The following LRRC47 variants were observed in gnomAD, a reference collection of about 807,000 sequenced individuals.
The protein encoded by LRRC47 is leucine-rich repeat-containing protein 47.
A neutral mutation model predicts 40.9 loss-of-function variants in LRRC47; 31 were observed. The observed-to-expected ratio is 0.76, with a 90% confidence interval of 0.57 to 1.02. LRRC47 has a LOEUF of 1.02. Among genes scored for constraint, LRRC47 ranks in the 50% least tolerant of loss-of-function variants. LRRC47 has a pLI of 0.00. For synonymous variants in LRRC47, 427 were observed against 371.9 expected, an observed-to-expected ratio of 1.15 and a Z score of -1.70; for missense variants, 726 against 796.1, an observed-to-expected ratio of 0.91 and a Z score of 1.06.
intron 5 of LRRC47, among the ~76,000 whole-genome samples, chr1:3,782,459 G>A (rs1366987971): frequency 3.9e-5 from 6 of 152,078 alleles, no homozygotes; most frequent in African/African-American, 9.7e-5. Flanking sequence ...CACGCCCGGC[G>A]AATTTTGTAT....
Position 3,786,879 on chromosome 1 carries a change from C to A in LRRC47, c.1047G>T (p.Gly349=). 1 of 1,602,108 alleles carries A rather than the reference C, an allele frequency of 6.2e-7. No homozygotes were observed. The highest frequency in any genetic ancestry group is 1.3e-5 in the African/African-American group (1 of 74,696). ...AGGTGAGGAAGCGCTTGAGTGCATT[C>A]CCTGGCTGCAGGTCCATGCCTCGCA... ...AVVRGMDLQP[G]NALKRFLTSQ... Residue 349 remains glycine (G), a synonymous_variant, in exon 2 of 7, where the codon GGG becomes GGT. Transcript: ENST00000378251.
chr1:3,787,088 T>C lies in LRRC47; in HGVS notation c.838A>G (p.Ser280Gly). 6.2e-7 allele frequency: 1 copy of C among 1,613,802 alleles called. No individual in the cohort carries two copies. The highest frequency in any genetic ancestry group is 1.1e-5 in the South Asian group (1 of 91,078). The stretch of plus-strand genomic sequence containing the variant: ...TTCCTCTCCCTCCTCTTCCTCCGGC[T>C]CTCTTCCTTCTCCGAGCCCTCGGCA... ...GRAEGSEKEE[S>G]RRKRRERKQR... Residue 280 changes from serine (S) to glycine (G), a missense_variant, in exon 2 of 7, where the codon AGC becomes GGC. Physicochemically the swap from Ser to Gly is moderately conservative, Grantham distance 56. Transcript: ENST00000378251.
At chr1:3,793,958 G>A (rs1018487207) in intron 1 of LRRC47, among the ~76,000 whole-genome samples, 2 of 152,150 alleles carry the variant, frequency 1.3e-5, no homozygotes, top group African/African-American at 4.8e-5. Flanking sequence ...GCACCTTGGA[G>A]GCCAAGACAG....
chr1:3,781,585 G>A lies in LRRC47; in HGVS notation c.1430C>T (p.Ser477Phe). Reference sequence around the variant, plus strand: ...ACTTGTTACTTCCAAAAACAAATCAGAAGTCGTTTTCTTAACCTTAAAAGA... The same window carrying A: ...ACTTGTTACTTCCAAAAACAAATCAAAAGTCGTTTTCTTAACCTTAAAAGA... ...SEKTKVKKTT[S>F]DLFLEVTSAT... is the part of the protein sequence containing the mutation. Residue 477 changes from serine to phenylalanine, a missense_variant, in exon 6 of 7, where the codon TCT (serine) becomes TTT (phenylalanine). Ser to Phe is a radical substitution (Grantham distance 155). Transcript: ENST00000378251. The A allele has an allele frequency of 6.2e-7, 1 of 1,613,672 alleles. No individual in the cohort carries two copies. Among genetic ancestry groups the A allele is most frequent in the Non-Finnish European group, 8.5e-7 (1 of 1,179,824 alleles).
intron 1 of LRRC47, among the ~76,000 whole-genome samples, chr1:3,793,069 G>A (rs1643641833): frequency 6.6e-6 from 1 of 151,892 alleles, no homozygotes; most frequent in African/African-American, 2.4e-5. Context: ...TTATGGTGGT[G>A]AAAGAGATCT....
rs1465539957 is a variant in LRRC47, at chr1:3,796,327, C to T, written c.150G>A (p.Pro50=). ...GQLPPRLFTL[P]LLHYLEVSGC... Reference sequence around the variant, plus strand: ...CGCTCACTTCCAAGTAGTGCAGCAGCGGCAGGGTGAAAAGCCGCGGCGGCA... The same window carrying T: ...CGCTCACTTCCAAGTAGTGCAGCAGTGGCAGGGTGAAAAGCCGCGGCGGCA... The change falls in exon 1 of 7, where the codon CCG becomes CCA. Residue 50 remains proline, a synonymous_variant. Coordinates refer to ENST00000378251, the MANE Select transcript of LRRC47 (RefSeq NM_020710.3). 1 of 1,508,362 alleles carries T rather than the reference C, an allele frequency of 6.6e-7. No homozygotes were observed. Among genetic ancestry groups the T allele is most frequent in the East Asian group, 2.7e-5 (1 of 37,464 alleles). The allele number at this position is 1,508,362 out of a possible 1,614,324, so 93.4% of individuals were successfully genotyped here.
intron 5 of LRRC47, 76 bp from the exon 6 acceptor site, chr1:3,781,677 G>A (rs2124608706): frequency 4.1e-6 from 5 of 1,230,752 alleles, no homozygotes; most frequent in African/African-American, 1.5e-5. Context: ...TTGTTCTCAG[G>A]AAAAATCTAC....
intron 1 of LRRC47, among the ~76,000 whole-genome samples, chr1:3,789,300 G>A (rs1056502198): frequency 2.0e-5 from 3 of 152,280 alleles, no homozygotes; most frequent in Non-Finnish European, 2.9e-5. Context: ...GAAGCTCTGA[G>A]GTTGGAAGCT....
intron 3 of LRRC47, among the ~76,000 whole-genome samples, chr1:3,784,595 T>G (rs927256113): frequency 2.0e-5 from 3 of 152,206 alleles, no homozygotes; most frequent in African/African-American, 7.2e-5. Context: ...CAACGACTGC[T>G]CATCCGCCGA....
chr1:3,784,313 G>A (rs924509539), intron 3 of LRRC47: 4 of 568,518 alleles, frequency 7.0e-6, no homozygotes, highest in South Asian at 4.5e-5. Context: ...GAGACCTGAC[G>A]CCCAAACACA....
At chr1:3,793,628 A>G (rs924734997) in intron 1 of LRRC47, among the ~76,000 whole-genome samples, 3 of 152,182 alleles carry the variant, frequency 2.0e-5, no homozygotes, top group African/African-American at 4.8e-5. Context: ...ACTCCTGCAG[A>G]TAACAGCACT....
At chr1:3,783,632 G>T in intron 4 of LRRC47, 1 of 196,486 alleles carries the variant, frequency 5.1e-6, no homozygotes, top group Non-Finnish European at 1.0e-5. Flanking sequence ...ACCCTGACTT[G>T]GATGATACCC....
intron 2 of LRRC47, among the ~76,000 whole-genome samples, chr1:3,786,189 C>A (rs963455912): frequency 2.0e-5 from 3 of 152,152 alleles, no homozygotes; most frequent in East Asian, 3.9e-4. Context: ...TTTTCAACTG[C>A]AATAAAGCTA....
intron 1 of LRRC47, among the ~76,000 whole-genome samples, chr1:3,794,959 CAGA>C (rs745588362): frequency 6.9e-6 from 1 of 144,586 alleles, no homozygotes; most frequent in Non-Finnish European, 1.5e-5. Context: ...GAGGCTGAGG[CAGA>C]AGAACCGCTT....
At position 3,795,808 on chromosome 1, in the gene LRRC47, C is replaced by G. The variant is rs909301589; in HGVS notation, c.615+54G>C. The G allele has an allele frequency of 7.5e-6, 11 of 1,475,226 alleles. No individual in the cohort carries two copies. The African/African-American group carries it at 1.4e-4, about 19-fold the overall frequency. 91.4% of individuals were successfully genotyped at this position (1,475,226 alleles called of 1,614,324 possible). Reference sequence around the variant, plus strand: ...TGCTCGGCCCCGAGAGGGGTTCCTTCTCCAGGGCTACTCCAAGGCCCCATC... The same window carrying G: ...TGCTCGGCCCCGAGAGGGGTTCCTTGTCCAGGGCTACTCCAAGGCCCCATC... On this transcript the variant is annotated intron_variant, in intron 1 of 6. Coordinates refer to ENST00000378251, the MANE Select transcript of LRRC47 (RefSeq NM_020710.3).
chr1:3,782,553 C>G (rs1643530577), intron 5 of LRRC47, 108 bp downstream of exon 5: 1 of 731,528 alleles, frequency 1.4e-6, no homozygotes, highest in Non-Finnish European at 2.5e-6. Flanking sequence ...CTCGGTCTCC[C>G]AAAATGCTGG....
Position 3,784,038 on chromosome 1 carries a change from T to C in LRRC47, c.1268A>G (p.Gln423Arg), listed in dbSNP as rs1445323891. The part of the protein sequence containing the change: ...VRQLQLEAEE[Q>R]RKQKKRQSVS... ...ACTCTGCCGCTTCTTCTGCTTCCTC[T>C]GCTCCTCGGCCTCCAGCTGCAGCTG... The change falls in exon 4 of 7, where the codon CAG (glutamine) becomes CGG (arginine). Residue 423 changes from glutamine (Q) to arginine (R), a missense_variant. Transcript: ENST00000378251. The C allele has an allele frequency of 6.2e-7, 1 of 1,612,574 alleles. No individual in the cohort carries two copies. The highest frequency in any genetic ancestry group is 1.1e-5 in the South Asian group (1 of 91,006).
intron 2 of LRRC47, among the ~76,000 whole-genome samples, chr1:3,786,323 C>T (rs1643572842): frequency 6.6e-6 from 1 of 151,996 alleles, no homozygotes; most frequent in Non-Finnish European, 1.5e-5. Flanking sequence ...CATGGTGAAA[C>T]CTCATCTCTT....
At chr1:3,781,468 T>G (rs1436660211) in intron 6 of LRRC47, 44 bp downstream of exon 6, 2 of 1,587,632 alleles carry the variant, frequency 1.3e-6, no homozygotes, top group African/African-American at 2.7e-5. Flanking sequence ...AGAGCACCAC[T>G]CACGCTCAAA....
Sources: gnomAD v4.1 joint callset for allele counts (sites outside exome capture counted in the v4.1 genomes callset) on GRCh38, gnomAD v4.1.1 for gene constraint, MANE v1.5 for transcripts, NCBI Gene and HGNC (gene_info 2026-07-23, HGNC 2026-07-21) for gene names.